Variants in GTPBP6 observed in about 807,000 individuals in gnomAD.
GTPBP6 encodes GTP binding protein 6.
GTPBP6 carries 33 observed loss-of-function variants against 28.9 expected under a neutral mutation model. The ratio of observed to expected loss-of-function variants is 1.14; its 90% CI spans 0.87 to 1.53. The LOEUF is 1.53. Among genes scored for constraint, GTPBP6 ranks in the 40% most tolerant of loss-of-function variants. GTPBP6 has a pLI of 0.00. For synonymous variants in GTPBP6, 231 were observed against 192.7 expected, an observed-to-expected ratio of 1.20 and a Z score of -1.65; for missense variants, 507 against 408.3, an observed-to-expected ratio of 1.24 and a Z score of -2.08.
chrX:309,088 C>A (rs1438573820), intron 7 of GTPBP6, among the ~76,000 whole-genome samples: 1 of 152,154 alleles, frequency 6.6e-6, no homozygotes, highest in African/African-American at 2.4e-5. Flanking sequence ...TCAGTCCCAT[C>A]TCCTCAAGGA....
intron 7 of GTPBP6, among the ~76,000 whole-genome samples, chrX:308,225 A>T (rs1308637584): frequency 6.6e-6 from 1 of 152,078 alleles, no homozygotes; most frequent in East Asian, 1.9e-4. Context: ...CTCCTGTGAA[A>T]TGTCTTTTAA....
chrX:311,188 G>GGTGTCCGAAGGCCCGGCCCCTGGGCTGA, intron 7 of GTPBP6, among the ~76,000 whole-genome samples: 1 of 142,458 alleles, frequency 7.0e-6, no homozygotes. Flanking sequence ...CCCCGAGTTG[G>GGTGTCCGAAGGCCCGGCCCCTGGGCTGA]GTGGGTGTCT....
chrX:313,049 GCTTTCC>G, intron 5 of GTPBP6, 125 bp from the exon 6 acceptor site: 1 of 752,292 alleles, frequency 1.3e-6, no homozygotes, highest in East Asian at 2.7e-5. Flanking sequence ...GGGCCCGGCT[GCTTTCC>G]CCAGCAGCGG....
chrX:307,744 T>G, exon 8 of GTPBP6: 1 of 1,490,212 alleles, frequency 6.7e-7, no homozygotes, highest in Non-Finnish European at 8.9e-7. Context: ...GGGCACGAGG[T>G]CCACCTTGTT....
chrX:315,038 A>C lies in GTPBP6; in HGVS notation c.559-18T>G. Reference sequence around the variant, plus strand: ...AGTTCTTTCTGCAAAAGGAGAGAGCAACTGAGAAGCCACGGGGGAAGGCCG... The same window carrying C: ...AGTTCTTTCTGCAAAAGGAGAGAGCCACTGAGAAGCCACGGGGGAAGGCCG... On this transcript the variant is annotated intron_variant, in intron 3 of 9. Transcript: ENST00000326153. 2.5e-6 allele frequency: 1 copy of C among 398,710 alleles called. No individual in the cohort carries two copies. Among genetic ancestry groups the C allele is most frequent in the East Asian group, 3.6e-5 (1 of 28,076 alleles). The allele number at this position is 398,710 out of a possible 1,614,324, so 24.7% of individuals were successfully genotyped here.
At chrX:305,319 C>CTTTTTTTT (rs368320582) in intron 9 of GTPBP6, 122 bp from the exon 10 acceptor site, 1 of 733,232 alleles carries the variant, frequency 1.4e-6, no homozygotes, top group African/African-American at 2.0e-5. Context: ...GTCCTGTTTC[C>CTTTTTTTT]TTTTGTTTTT....
At chrX:309,533 A>C (rs2070241412) in intron 7 of GTPBP6, among the ~76,000 whole-genome samples, 1 of 152,174 alleles carries the variant, frequency 6.6e-6, no homozygotes, top group Non-Finnish European at 1.5e-5. Context: ...GAGTTTTTGC[A>C]GATGTAGTTA....
chrX:313,963 C>T (rs1323615999), intron 5 of GTPBP6, among the ~76,000 whole-genome samples, 187 bp downstream of exon 5: 7 of 152,204 alleles, frequency 4.6e-5, no homozygotes, highest in African/African-American at 1.7e-4. Flanking sequence ...GACGGAGCCC[C>T]CAGCCAGCCC....
intron 2 of GTPBP6, among the ~76,000 whole-genome samples, 178 bp downstream of exon 2, chrX:316,736 C>A (rs1430840027): frequency 6.6e-6 from 1 of 152,150 alleles, no homozygotes; most frequent in African/African-American, 2.4e-5. Flanking sequence ...ACAGATAAAG[C>A]CTCACCGTCC....
intron 5 of GTPBP6, among the ~76,000 whole-genome samples, chrX:313,768 G>T (rs979037771): frequency 7.2e-5 from 11 of 152,162 alleles, no homozygotes; most frequent in African/African-American, 2.4e-4. Flanking sequence ...GAGCCCCCAG[G>T]AGCTGGGAGA....
chrX:309,627 C>T (rs1048909647), intron 7 of GTPBP6, among the ~76,000 whole-genome samples: 4 of 152,056 alleles, frequency 2.6e-5, no homozygotes, highest in Admixed American at 2.0e-4. Context: ...GAGAAGGCCA[C>T]GTGGAGATGG....
chrX:318,695 G>T lies in GTPBP6; in HGVS notation c.93C>A (p.Cys31Ter). Residue 31 changes from cysteine (C) to a stop codon, truncating the protein, a stop_gained, in exon 1 of 10, where the codon TGC becomes TGA. Transcript: ENST00000326153. LOFTEE classifies it high-confidence loss of function. ...CGACAGCGGCTAGCGCGCGCGCGGG[G>T]CAGGACGGCGCGGCTGCCCGCGGAG... 1 of 381,184 alleles carries T rather than the reference G, an allele frequency of 2.6e-6. No individual in the cohort carries two copies. Among genetic ancestry groups the T allele is most frequent in the Non-Finnish European group, 4.7e-6 (1 of 214,984 alleles). The allele number at this position is 381,184 out of a possible 1,614,324, so 23.6% of individuals were successfully genotyped here.
chrX:314,582 C>G (rs1245668244), intron 4 of GTPBP6, among the ~76,000 whole-genome samples: 2 of 152,008 alleles, frequency 1.3e-5, no homozygotes, highest in African/African-American at 4.8e-5. Context: ...ACGCCATTCT[C>G]CTGCCTCAGC....
intron 7 of GTPBP6, among the ~76,000 whole-genome samples, chrX:309,730 C>T (rs1442271990): frequency 7.1e-6 from 1 of 141,832 alleles, no homozygotes; most frequent in Non-Finnish European, 1.5e-5. Flanking sequence ...CCTAGAGCCT[C>T]CAGAAGGAAC....
At position 308,501 on chromosome X, in the gene GTPBP6, T is replaced by G. The variant is rs1285183728; in HGVS notation, c.1126-621A>C. Among the ~76,000 whole-genome samples the G allele has an allele frequency of 2.6e-5, 4 of 151,708 alleles. No homozygotes were observed. The South Asian group carries it at 8.3e-4, about 32-fold the overall frequency. On this transcript the variant is annotated intron_variant, in intron 7 of 9. Coordinates refer to ENST00000326153, the Ensembl canonical transcript of GTPBP6. ...TTTGAGACCAGCCTGGGCAAGAGAG[T>G]GAGGCCGTTTCTACAGAAAGTACAA... is the stretch of plus-strand genomic sequence containing the variant.
chrX:317,123 C>A, intron 1 of GTPBP6, 72 bp from the exon 2 acceptor site: 1 of 398,262 alleles, frequency 2.5e-6, no homozygotes, highest in Non-Finnish European at 4.4e-6. Context: ...CCCGGGGAGG[C>A]CTCCTCCTGC....
intron 9 of GTPBP6, among the ~76,000 whole-genome samples, chrX:305,633 T>A (rs1602948173): frequency 2.0e-5 from 1 of 50,952 alleles, no homozygotes; most frequent in East Asian, 7.4e-4. Context: ...TTATTTTTTA[T>A]TTTTTTTTTT....
At chrX:307,289 A>G (rs1455186750) in intron 9 of GTPBP6, 71 bp downstream of exon 9, 1 of 1,461,058 alleles carries the variant, frequency 6.8e-7, no homozygotes, top group East Asian at 2.3e-5. Flanking sequence ...GCACCCACGA[A>G]GAGCCCGTTT....
At chrX:309,235 A>G (rs1442747599) in intron 7 of GTPBP6, among the ~76,000 whole-genome samples, 3 of 152,138 alleles carry the variant, frequency 2.0e-5, no homozygotes, top group African/African-American at 2.4e-5. Context: ...CGTGCTCTTC[A>G]TGCACTTGGA....
Sources: gnomAD v4.1 joint callset for allele counts (sites outside exome capture counted in the v4.1 genomes callset) on GRCh38, gnomAD v4.1.1 for gene constraint, MANE v1.5 for transcripts, NCBI Gene and HGNC (gene_info 2026-07-23, HGNC 2026-07-21) for gene names.